IDE: variants seen among roughly 807,000 people sequenced by gnomAD.
IDE encodes the protein insulin degrading enzyme, also known as insulin-degrading enzyme.
A neutral mutation model predicts 133.2 loss-of-function variants in IDE; 58 were observed. The ratio of observed to expected loss-of-function variants is 0.44; its 90% CI spans 0.35 to 0.54. The LOEUF (loss-of-function observed/expected upper bound fraction) is 0.54. IDE is among the 20% of genes least tolerant of loss of function. IDE has a pLI of 0.00. For synonymous variants in IDE, 396 were observed against 421.3 expected (o/e 0.94, Z 0.73); for missense variants, 981 against 1,234.0 (o/e 0.79, Z 3.07).
intron 4 of IDE, among the ~76,000 whole-genome samples, chr10:92,522,989 T>G (rs1007299059): frequency 3.9e-5 from 6 of 152,132 alleles, no homozygotes; most frequent in South Asian, 2.1e-4. Flanking sequence ...GCACCTTGAG[T>G]GCAATGACAC....
chr10:92,528,439 T>C lies in IDE; in HGVS notation c.661+3309A>G, dbSNP rs150067804. Among the ~76,000 whole-genome samples, 84 of 151,650 alleles carry C rather than the reference T, an allele frequency of 5.5e-4. No individual in the cohort carries two copies. In the East Asian group the frequency reaches 0.015, roughly 27 times the overall value. Reference sequence around the variant, plus strand: ...ATTGTAATTAAATGCATTTAAAGTATTAGCAGATCAGAGTTTCTCTAGAAA... The same window carrying C: ...ATTGTAATTAAATGCATTTAAAGTACTAGCAGATCAGAGTTTCTCTAGAAA... On this transcript the variant is annotated intron_variant, in intron 4 of 24. Transcript: ENST00000265986.
At chr10:92,502,095 T>G (rs1413861151) in intron 11 of IDE, among the ~76,000 whole-genome samples, 1 of 152,004 alleles carries the variant, frequency 6.6e-6, no homozygotes, top group Non-Finnish European at 1.5e-5. Context: ...TGAGCTATGA[T>G]CCCGCCACTA....
In IDE at chr10:92,463,983, G is replaced by A; in HGVS notation, c.2509C>T (p.Pro837Ser). Residue 837 changes from proline to serine, a missense_variant, in exon 21 of 25, where the codon CCA becomes TCA. Around this residue, in one of 2 missense-constraint regions of IDE, gnomAD observed 660 missense variants for 894.7 expected, o/e 0.74. Transcript: ENST00000265986. ...CCCTGTATGCCATTAGCTCGACGTG[G>A]CCCGCTGAAGACGATATAGCCTGAA... Reference protein sequence around the residue: ...EQLGYIVFSGPRRANGIQGLR... With the variant: ...EQLGYIVFSGSRRANGIQGLR... 6.2e-7 allele frequency: 1 copy of A among 1,613,562 alleles called. No individual in the cohort carries two copies. Among genetic ancestry groups the A allele is most frequent in the Non-Finnish European group, 8.5e-7 (1 of 1,179,558 alleles).
intron 21 of IDE, 57 bp downstream of exon 21, chr10:92,463,674 G>A: frequency 6.9e-7 from 1 of 1,457,920 alleles, no homozygotes; most frequent in East Asian, 2.3e-5. Context: ...TTGTAGAATG[G>A]CCTTAATCAA....
At chr10:92,468,836 T>C (rs745796705) in intron 19 of IDE, 43 bp downstream of exon 19, 2 of 1,035,096 alleles carry the variant, frequency 1.9e-6, no homozygotes, top group Admixed American at 1.7e-5. Flanking sequence ...CACACTGTTA[T>C]GTCAAAATAG....
chr10:92,473,982 A>C (rs11187018), intron 17 of IDE, among the ~76,000 whole-genome samples: 1 of 147,596 alleles, frequency 6.8e-6, no homozygotes, highest in South Asian at 2.1e-4. Flanking sequence ...CTCCGTCTTT[A>C]AAAAAAAAAA....
At chr10:92,501,364 A>T (rs1317924204) in intron 11 of IDE, among the ~76,000 whole-genome samples, 1 of 73,904 alleles carries the variant, frequency 1.4e-5, no homozygotes, top group Non-Finnish European at 2.9e-5. Flanking sequence ...TCTGTCATTA[A>T]AAAAAAAAAA....
intron 1 of IDE, among the ~76,000 whole-genome samples, chr10:92,560,776 C>A (rs1321897889): frequency 6.6e-6 from 1 of 150,584 alleles, no homozygotes; most frequent in Non-Finnish European, 1.5e-5. Flanking sequence ...GAGCGAGACT[C>A]CGTCTCAAAA....
At chr10:92,535,992 C>T (rs1836806229) in intron 2 of IDE, among the ~76,000 whole-genome samples, 1 of 151,338 alleles carries the variant, frequency 6.6e-6, no homozygotes. Context: ...GCGGAGATTG[C>T]GCCACTGCAC....
At chr10:92,493,648 T>C (rs898995769) in intron 11 of IDE, among the ~76,000 whole-genome samples, 1 of 150,938 alleles carries the variant, frequency 6.6e-6, no homozygotes, top group African/African-American at 2.4e-5. Flanking sequence ...GGGATTTGGA[T>C]AGCTATATAC....
At chr10:92,526,886 T>A (rs1332023117) in intron 4 of IDE, among the ~76,000 whole-genome samples, 3 of 150,382 alleles carry the variant, frequency 2.0e-5, no homozygotes, top group Non-Finnish European at 4.4e-5. Flanking sequence ...GGTCTCACTA[T>A]GTTGCCTAGA....
intron 4 of IDE, among the ~76,000 whole-genome samples, chr10:92,524,420 T>A (rs1849449245): frequency 3.3e-5 from 3 of 91,470 alleles, no homozygotes; most frequent in Non-Finnish European, 5.9e-5. Flanking sequence ...TATTATATTA[T>A]ATATAATATA....
chr10:92,488,930 T>C (rs1847178666), intron 12 of IDE, among the ~76,000 whole-genome samples: 1 of 77,732 alleles, frequency 1.3e-5, no homozygotes, highest in Non-Finnish European at 2.5e-5. Context: ...CTTTTCATTA[T>C]TTAAAAAAAA....
intron 12 of IDE, among the ~76,000 whole-genome samples, chr10:92,487,637 T>C (rs987263598): frequency 6.6e-6 from 1 of 152,238 alleles, no homozygotes; most frequent in African/African-American, 2.4e-5. Flanking sequence ...ATGTTTATTC[T>C]AGCTCTTTAA....
intron 17 of IDE, 95 bp downstream of exon 17, chr10:92,474,746 T>A: frequency 9.0e-7 from 1 of 1,116,982 alleles, no homozygotes; most frequent in Non-Finnish European, 1.3e-6. Context: ...GAACTACAAG[T>A]TATTTAAAAG....
intron 1 of IDE, among the ~76,000 whole-genome samples, chr10:92,560,452 C>T (rs1206461660): frequency 2.0e-5 from 3 of 152,160 alleles, no homozygotes. Flanking sequence ...TTTTCTCCCT[C>T]TCTTCTTGGT....
chr10:92,537,035 C>CA (rs1280601596), intron 2 of IDE, among the ~76,000 whole-genome samples: 1,958 of 74,158 alleles, frequency 0.026, 37 homozygotes, highest in African/African-American at 0.082. Context: ...AACTCTGTCT[C>CA]AAAAAAAAAA....
chr10:92,510,817 T>C (rs1399394698), intron 5 of IDE, among the ~76,000 whole-genome samples: 2 of 150,718 alleles, frequency 1.3e-5, no homozygotes, highest in Non-Finnish European at 3.0e-5. Context: ...ATATCACATA[T>C]ATGATATATA....
At position 92,461,207 on chromosome 10, in the gene IDE, A is replaced by G. The variant is rs145220987; in HGVS notation, c.2807T>C (p.Ile936Thr). Residue 936 changes from isoleucine to threonine, a missense_variant, in exon 22 of 25, where the codon ATC (isoleucine) becomes ACC (threonine). Ile to Thr is a moderately conservative substitution (Grantham distance 89). This residue lies in a region of IDE where 660 missense variants were observed against 894.7 expected (regional missense o/e 0.74). Transcript: ENST00000265986. The part of the protein sequence containing the change: ...AYLKTLTKED[I>T]IKFYKEMLAV... ...TTGACTTACCTTGTAGAATTTGATG[A>G]TATCTTCCTTGGTAAGTGTCTTTAA... 1.8e-5 allele frequency: 26 copies of G among 1,435,714 alleles called. No individual in the cohort carries two copies. In the East Asian group the frequency reaches 5.5e-4, roughly 30 times the overall value. The allele number at this position is 1,435,714 out of a possible 1,614,324, so 88.9% of individuals were successfully genotyped here. A position where few individuals can be genotyped will look rare whatever the true frequency, so the allele number is the denominator to read the frequency against.
Sources: allele counts gnomAD v4.1 joint callset (sites outside exome capture counted in the v4.1 genomes callset), GRCh38; gene constraint gnomAD v4.1.1; regional missense constraint gnomAD v4.1.1; transcripts MANE v1.5; gene names NCBI Gene and HGNC (gene_info 2026-07-23, HGNC 2026-07-21).